COL4A4: variants seen among roughly 807,000 people sequenced by gnomAD.
COL4A4 encodes the protein collagen type IV alpha 4 chain, also known as collagen alpha-4(IV) chain.
Under a neutral mutation model 192.9 loss-of-function variants are expected in COL4A4, and 105 were observed. That is an observed-to-expected ratio of 0.54 (90% CI 0.46 to 0.64). The LOEUF is 0.64. Among genes scored for constraint, COL4A4 ranks in the 30% least tolerant of loss-of-function variants. The pLI is 0.00. For missense variants in COL4A4, 1,967 were observed against 2,169.3 expected (o/e 0.91, Z 1.85); for synonymous variants, 762 against 769.9 (o/e 0.99, Z 0.17).
chr2:227,078,681 A>G (rs1400580907), intron 24 of COL4A4, among the ~76,000 whole-genome samples: 1 of 152,244 alleles, frequency 6.6e-6, no homozygotes, highest in Non-Finnish European at 1.5e-5. Context: ...TATGTCATAG[A>G]ATATAGAAAT....
chr2:227,136,372 G>A (rs1005494962), intron 4 of COL4A4, among the ~76,000 whole-genome samples: 1 of 152,206 alleles, frequency 6.6e-6, no homozygotes. Context: ...GAGGCAGAGT[G>A]CAAGTTGGAA....
rs564546591 is a variant in COL4A4 at position 227,112,023 on chromosome 2, T to C, written c.559-310A>G. Among the ~76,000 whole-genome samples, 10 of 152,318 alleles carry C rather than the reference T, an allele frequency of 6.6e-5. No individual in the cohort carries two copies. In the East Asian group the frequency reaches 1.9e-3, roughly 29 times the overall value. On this transcript the variant is annotated intron_variant, in intron 8 of 47. Coordinates refer to ENST00000396625, the MANE Select transcript of COL4A4 (RefSeq NM_000092.5). The stretch of plus-strand genomic sequence containing the variant: ...TGGTCCCGTTTCCTCACAGTTTACC[T>C]GTTGCTGGTGTCTTTCCACACCTTG...
chr2:227,010,617 A>G, intron 45 of COL4A4, 116 bp from the exon 46 acceptor site: 2 of 770,876 alleles, frequency 2.6e-6, no homozygotes, highest in Non-Finnish European at 4.0e-6. Flanking sequence ...GGGGAGCATG[A>G]CTCAGCCCCT....
chr2:227,146,472 T>C (rs2125375204), intron 2 of COL4A4, among the ~76,000 whole-genome samples: 1 of 152,322 alleles, frequency 6.6e-6, no homozygotes, highest in Non-Finnish European at 1.5e-5. Flanking sequence ...TTTCCCTGTG[T>C]TAACTCCCAA....
chr2:227,094,574 A>G (rs967442577), intron 19 of COL4A4, among the ~76,000 whole-genome samples: 20 of 152,166 alleles, frequency 1.3e-4, no homozygotes, highest in Non-Finnish European at 2.6e-4. Context: ...TGTTGGTCAA[A>G]GGGTACAAAG....
intron 44 of COL4A4, among the ~76,000 whole-genome samples, chr2:227,014,891 G>GTTT: frequency 7.2e-6 from 1 of 139,314 alleles, no homozygotes; most frequent in African/African-American, 2.8e-5. Context: ...ACCATGCCTG[G>GTTT]CTTTTTTTTT....
At chr2:227,013,650 G>A (rs1013012565) in intron 44 of COL4A4, among the ~76,000 whole-genome samples, 5 of 152,204 alleles carry the variant, frequency 3.3e-5, no homozygotes, top group South Asian at 2.1e-4. Flanking sequence ...TCTGCATCCC[G>A]AACTGTGAAA....
At chr2:227,162,126 T>G (rs763828527) in intron 1 of COL4A4, among the ~76,000 whole-genome samples, 17 of 152,158 alleles carry the variant, frequency 1.1e-4, no homozygotes, top group Non-Finnish European at 2.2e-4. Context: ...GATTCAAAAC[T>G]CCAGAGTCTA....
chr2:227,004,765 C>A lies in COL4A4; in HGVS notation c.*2560G>T. 1 of 152,324 alleles carries A rather than the reference C, an allele frequency of 6.6e-6. No individual in the cohort carries two copies. The highest frequency in any genetic ancestry group is 1.5e-5 in the Non-Finnish European group (1 of 68,128). The allele number at this position is 152,324 out of a possible 1,614,324, so 9.4% of individuals were successfully genotyped here. ...GGGCTCCACTCACTGAGAATCAGAA[C>A]CCAGAAGGAAGCATCCCAGATTTCC... On this transcript the variant is annotated 3_prime_UTR_variant, in exon 48 of 48. Coordinates refer to ENST00000396625, the MANE Select transcript of COL4A4 (RefSeq NM_000092.5).
chr2:227,063,602 CCTT>C (rs944673893), intron 25 of COL4A4, among the ~76,000 whole-genome samples: 3 of 152,060 alleles, frequency 2.0e-5, no homozygotes, highest in South Asian at 2.1e-4. Context: ...TTTTTTGCCA[CCTT>C]CTTAAGAGTT....
chr2:226,969,580 G>T, the COL4A4 span, among the ~76,000 whole-genome samples: 1 of 151,978 alleles, frequency 6.6e-6, no homozygotes, highest in Non-Finnish European at 1.5e-5. Flanking sequence ...AATTGACTCC[G>T]TCACCAAAGA....
chr2:227,157,410 C>T (rs1008216458), intron 1 of COL4A4, among the ~76,000 whole-genome samples: 2 of 151,850 alleles, frequency 1.3e-5, no homozygotes, highest in African/African-American at 4.8e-5. Context: ...CAAATTAAAC[C>T]TGAAGCAAAA....
chr2:226,987,351 A>T, the COL4A4 span, among the ~76,000 whole-genome samples: 18 of 152,030 alleles, frequency 1.2e-4, no homozygotes, highest in Non-Finnish European at 2.6e-4. Context: ...AAAAAAAAAA[A>T]TTGGGATGGG....
chr2:226,972,116 C>G, the COL4A4 span, among the ~76,000 whole-genome samples: 14 of 152,064 alleles, frequency 9.2e-5, no homozygotes, highest in Non-Finnish European at 1.3e-4. Flanking sequence ...GTGTGCTGTT[C>G]CACTCCCTGT....
intron 22 of COL4A4, among the ~76,000 whole-genome samples, chr2:227,088,400 T>C (rs1278854853): frequency 6.6e-6 from 1 of 152,098 alleles, no homozygotes; most frequent in African/African-American, 2.4e-5. Flanking sequence ...TCTCATGAGA[T>C]CTGATGGTTT....
chr2:227,144,618 G>A, intron 2 of COL4A4, 60 bp from the exon 3 acceptor site: 2 of 1,353,890 alleles, frequency 1.5e-6, no homozygotes, highest in Admixed American at 1.7e-5. Context: ...GAAACAAAAA[G>A]AAAAAGAGTA....
intron 4 of COL4A4, among the ~76,000 whole-genome samples, chr2:227,125,679 C>T (rs1448842583): frequency 2.0e-5 from 3 of 152,174 alleles, no homozygotes; most frequent in East Asian, 3.9e-4. Flanking sequence ...ACAGCATTTG[C>T]GCAGGCTGTC....
At chr2:227,108,670 A>G in intron 11 of COL4A4, 48 bp from the exon 12 acceptor site, 1 of 1,603,550 alleles carries the variant, frequency 6.2e-7, no homozygotes, top group Non-Finnish European at 8.5e-7. Context: ...ATTTTAAAAA[A>G]GTAATTAAAA....
intron 9 of COL4A4, among the ~76,000 whole-genome samples, chr2:227,110,831 C>T (rs562889386): frequency 1.3e-4 from 19 of 151,778 alleles, no homozygotes; most frequent in African/African-American, 3.9e-4. Context: ...TGTAGGTACG[C>T]GCCACCACGC....
Sources: allele counts gnomAD v4.1 joint callset (sites outside exome capture counted in the v4.1 genomes callset), GRCh38; gene constraint gnomAD v4.1.1; transcripts MANE v1.5; gene names NCBI Gene and HGNC (gene_info 2026-07-23, HGNC 2026-07-21).